Variants in PARP4 observed in about 807,000 individuals in gnomAD.
The protein encoded by PARP4 is poly(ADP-ribose) polymerase family member 4.
Under a neutral mutation model 187.7 loss-of-function variants are expected in PARP4, and 120 were observed. The ratio of observed to expected loss-of-function variants is 0.64; its 90% CI spans 0.55 to 0.74. PARP4 has a LOEUF of 0.74. PARP4 is among the 30% of genes least tolerant of loss of function. The pLI, the probability that PARP4 is intolerant of heterozygous loss-of-function variation, is 0.00. For synonymous variants in PARP4, 654 were observed against 740.9 expected (o/e 0.88, Z 1.90); for missense variants, 1,836 against 2,070.5 (o/e 0.89, Z 2.20).
rs774938304 is a variant in PARP4, at chr13:24,435,481, A to G, written c.3667-7T>C. On this transcript the variant is annotated splice_polypyrimidine_tract_variant and splice_region_variant and intron_variant, in intron 30 of 33. Coordinates refer to ENST00000381989, the MANE Select transcript of PARP4 (RefSeq NM_006437.4). ...CAGAGGATGCTAAAAGAGACTGCCC[A>G]GAAGACAGAATTATTAACGTAAGGG... 2 of 1,563,570 alleles carry G rather than the reference A, an allele frequency of 1.3e-6. No individual in the cohort carries two copies. Among genetic ancestry groups the G allele is most frequent in the South Asian group, 1.2e-5 (1 of 83,022 alleles).
At chr13:24,439,420 A>C (rs1432434487) in intron 30 of PARP4, among the ~76,000 whole-genome samples, 4 of 152,196 alleles carry the variant, frequency 2.6e-5, no homozygotes, top group Non-Finnish European at 5.9e-5. Context: ...AAAGAAGAAA[A>C]TAAAAGCCAT....
chr13:24,443,679 T>C lies in PARP4; in HGVS notation c.3418A>G (p.Ile1140Val), dbSNP rs368575281. The change falls in exon 28 of 34, where the codon ATT becomes GTT. Residue 1140 changes from isoleucine (I) to valine (V), a missense_variant. Transcript: ENST00000381989. ...TGACTGGTTTCATTTTCGTGAAGAA[T>C]GCCATCTTCATAATCTCTGATTAGA... is the stretch of plus-strand genomic sequence containing the variant. ...RALIRDYEDG[I>V]LHENETSHEM... is the part of the protein sequence containing the mutation. 3 of 1,613,104 alleles carry C rather than the reference T, an allele frequency of 1.9e-6. No homozygotes were observed. The highest frequency in any genetic ancestry group is 1.7e-6 in the Non-Finnish European group (2 of 1,179,012).
intron 13 of PARP4, 37 bp from the exon 14 acceptor site, chr13:24,477,894 G>A (rs2137511263): frequency 1.4e-6 from 2 of 1,476,172 alleles, no homozygotes; most frequent in Non-Finnish European, 9.1e-7. Flanking sequence ...ATTAACAACA[G>A]AAGCAACAAA....
intron 4 of PARP4, among the ~76,000 whole-genome samples, chr13:24,499,878 C>T (rs933491918): frequency 3.3e-5 from 5 of 152,060 alleles, no homozygotes; most frequent in African/African-American, 9.7e-5. Flanking sequence ...CTAATTAACC[C>T]GATGTTTTGG....
chr13:24,494,502 A>G (rs1868833569), intron 7 of PARP4, 71 bp downstream of exon 7: 52 of 1,394,856 alleles, frequency 3.7e-5, no homozygotes, highest in Non-Finnish European at 4.8e-5. Context: ...CCAGTCTTTT[A>G]TTTGTAATAG....
At chr13:24,453,942 C>T (rs573663634) in intron 22 of PARP4, among the ~76,000 whole-genome samples, 1 of 152,010 alleles carries the variant, frequency 6.6e-6, no homozygotes, top group African/African-American at 2.4e-5. Flanking sequence ...AGGGTGAAAC[C>T]CTGTCTCTGC....
At chr13:24,454,478 G>A (rs1463268954) in intron 22 of PARP4, among the ~76,000 whole-genome samples, 1 of 152,144 alleles carries the variant, frequency 6.6e-6, no homozygotes, top group Non-Finnish European at 1.5e-5. Context: ...AGACGTCCCT[G>A]GGCCCCATCT....
chr13:24,441,272 G>T (rs1192496235), intron 30 of PARP4, among the ~76,000 whole-genome samples: 1 of 152,186 alleles, frequency 6.6e-6, no homozygotes, highest in African/African-American at 2.4e-5. Flanking sequence ...CCAAAGTGCT[G>T]GGATTACAGG....
intron 24 of PARP4, 54 bp from the exon 25 acceptor site, chr13:24,449,871 T>C (rs1871419570): frequency 3.6e-6 from 4 of 1,121,902 alleles, no homozygotes; most frequent in Admixed American, 3.6e-5. Context: ...ATTTTTGAAG[T>C]ACATGTTAAC....
At chr13:24,450,637 AAGG>A (rs1394399784) in intron 24 of PARP4, among the ~76,000 whole-genome samples, 1 of 152,190 alleles carries the variant, frequency 6.6e-6, no homozygotes, top group Non-Finnish European at 1.5e-5. Flanking sequence ...GACTCACGCC[AAGG>A]AGGAGGGCTG....
At chr13:24,460,524 C>T (rs973313583) in intron 17 of PARP4, among the ~76,000 whole-genome samples, 2 of 151,344 alleles carry the variant, frequency 1.3e-5, no homozygotes, top group Non-Finnish European at 2.9e-5. Context: ...GTGGGCTCTG[C>T]TGCACAGATG....
chr13:24,511,920 C>T (rs1250669109), intron 1 of PARP4, among the ~76,000 whole-genome samples: 1 of 152,218 alleles, frequency 6.6e-6, no homozygotes. Context: ...TTCACTCCTA[C>T]ATGATATACA....
chr13:24,443,606 C>T (rs1224319585), intron 28 of PARP4, 44 bp downstream of exon 28: 4 of 1,357,782 alleles, frequency 2.9e-6, no homozygotes, highest in East Asian at 4.6e-5. Context: ...TGTAAGAATG[C>T]TCAAGAAGAA....
intron 25 of PARP4, 63 bp downstream of exon 25, chr13:24,449,655 T>C (rs1871403166): frequency 1.1e-6 from 1 of 932,218 alleles, no homozygotes; most frequent in South Asian, 1.4e-5. Flanking sequence ...TCCTATTTCT[T>C]AGTCTCGGAA....
chr13:24,511,104 T>G (rs991770986), intron 1 of PARP4, among the ~76,000 whole-genome samples: 4 of 152,176 alleles, frequency 2.6e-5, no homozygotes, highest in African/African-American at 9.7e-5. Context: ...AAAAACATTT[T>G]AAACATAAAT....
At chr13:24,496,916 A>C (rs1868989906) in intron 6 of PARP4, among the ~76,000 whole-genome samples, 1 of 152,142 alleles carries the variant, frequency 6.6e-6, no homozygotes, top group African/African-American at 2.4e-5. Context: ...CCAGCTACTC[A>C]GGAGGCTGAG....
At chr13:24,508,492 T>C (rs9581094) in intron 1 of PARP4, among the ~76,000 whole-genome samples, 19,350 of 152,256 alleles carry the variant, frequency 0.13, 1,377 homozygotes, top group Non-Finnish European at 0.16. Context: ...GCATTTTTCT[T>C]CTGGGCTTTT....
rs574553532 is a variant in PARP4, at chr13:24,488,867, G to T, written c.1214+1801C>A. Among the ~76,000 whole-genome samples, 18 of 152,106 alleles carry T rather than the reference G, an allele frequency of 1.2e-4. No homozygotes were observed. The South Asian group carries it at 3.7e-3, about 32-fold the overall frequency. On this transcript the variant is annotated intron_variant, in intron 10 of 33. Transcript: ENST00000381989. The stretch of plus-strand genomic sequence containing the variant: ...GCACCACACAATTTGCTGTCTCCGT[G>T]GATTTATCTATTCTAGATATTTCAT...
chr13:24,458,934 T>C, intron 20 of PARP4, 110 bp downstream of exon 20: 1 of 760,614 alleles, frequency 1.3e-6, no homozygotes, highest in Non-Finnish European at 2.3e-6. Context: ...TGCTTCTTGT[T>C]AGAAGTTTTG....
Sources: gnomAD v4.1 joint callset for allele counts (sites outside exome capture counted in the v4.1 genomes callset) on GRCh38, gnomAD v4.1.1 for gene constraint, MANE v1.5 for transcripts, NCBI Gene and HGNC (gene_info 2026-07-23, HGNC 2026-07-21) for gene names.